Variants in ITPK1 observed in about 807,000 individuals in gnomAD.
ITPK1 encodes inositol-tetrakisphosphate 1-kinase, also known as inositol 1,3,4-trisphosphate 5/6-kinase.
In ITPK1, 21 loss-of-function variants were observed where a neutral mutation model predicts 45.3. That is an observed-to-expected ratio of 0.46 (90% confidence interval 0.33 to 0.67). ITPK1 has a LOEUF of 0.67. Among genes scored for constraint, ITPK1 ranks in the 30% least tolerant of loss-of-function variants. ITPK1 has a pLI of 0.02. For synonymous variants in ITPK1, 258 were observed against 253.6 expected (o/e 1.02, Z -0.16); for missense variants, 474 against 573.5 (o/e 0.83, Z 1.77).
At chr14:93,114,615 G>C (rs1010305132) in intron 2 of ITPK1, among the ~76,000 whole-genome samples, 1 of 152,210 alleles carries the variant, frequency 6.6e-6, no homozygotes, top group African/African-American at 2.4e-5. Flanking sequence ...CTCAAGAGCC[G>C]AGCACACGCG....
intron 2 of ITPK1, among the ~76,000 whole-genome samples, chr14:93,104,701 G>A (rs963042690): frequency 6.6e-6 from 1 of 152,138 alleles, no homozygotes; most frequent in African/African-American, 2.4e-5. Flanking sequence ...TATCCCATCT[G>A]CAATAGTGCC....
At chr14:92,993,227 C>A (rs780572081) in intron 5 of ITPK1, among the ~76,000 whole-genome samples, 6 of 152,258 alleles carry the variant, frequency 3.9e-5, no homozygotes, top group Non-Finnish European at 8.8e-5. Flanking sequence ...CTCAGCAGGG[C>A]ACACTTGGAC....
At chr14:92,952,037 C>T (rs766244794) in intron 8 of ITPK1, 24 bp from the exon 9 acceptor site, 30 of 1,553,304 alleles carry the variant, frequency 1.9e-5, no homozygotes, top group Middle Eastern at 1.7e-4. Flanking sequence ...AGGAAGGAGC[C>T]GGCGTTAGAA....
At chr14:93,000,719 G>A (rs1162387925) in intron 4 of ITPK1, among the ~76,000 whole-genome samples, 1 of 152,204 alleles carries the variant, frequency 6.6e-6, no homozygotes, top group Non-Finnish European at 1.5e-5. Context: ...GCTTGCGCCT[G>A]TAATCCCAGC....
intron 5 of ITPK1, 56 bp from the exon 6 acceptor site, chr14:92,962,905 A>G: frequency 2.4e-6 from 3 of 1,243,162 alleles, no homozygotes; most frequent in Non-Finnish European, 3.5e-6. Context: ...CCCCAGGTGC[A>G]CGTCCTGTGA....
chr14:93,005,058 G>C (rs1475196711), intron 4 of ITPK1, among the ~76,000 whole-genome samples: 2 of 152,092 alleles, frequency 1.3e-5, no homozygotes, highest in Non-Finnish European at 2.9e-5. Flanking sequence ...AAAGCAACAG[G>C]GTCCTGAGCT....
intron 4 of ITPK1, among the ~76,000 whole-genome samples, chr14:93,000,519 C>A (rs1887282224): frequency 6.6e-6 from 1 of 152,208 alleles, no homozygotes; most frequent in Admixed American, 6.5e-5. Flanking sequence ...AGGTCAAACA[C>A]AACCAGCTGG....
At chr14:92,984,575 A>T (rs1886405790) in intron 5 of ITPK1, among the ~76,000 whole-genome samples, 1 of 152,204 alleles carries the variant, frequency 6.6e-6, no homozygotes, top group African/African-American at 2.4e-5. Flanking sequence ...AAAGATTCAT[A>T]TTAACACATT....
chr14:93,016,628 C>A lies in ITPK1; in HGVS notation c.246+48G>T. ...ACACGGCCATTCCAGGGCCTCCCCT[C>A]CTCCTCCTGAAAATGCCACAGCCAA... On this transcript the variant is annotated intron_variant, in intron 4 of 10. Transcript: ENST00000267615. The surrounding 1 kb of genome is among the most constrained non-coding windows in gnomAD (Gnocchi z 5.0). 6.2e-7 allele frequency: 1 copy of A among 1,602,276 alleles called. No individual in the cohort carries two copies. Among genetic ancestry groups the A allele is most frequent in the Admixed American group, 1.7e-5 (1 of 59,760 alleles).
intron 2 of ITPK1, among the ~76,000 whole-genome samples, chr14:93,079,051 T>G (rs1891339118): frequency 6.6e-6 from 1 of 152,218 alleles, no homozygotes; most frequent in Non-Finnish European, 1.5e-5. Context: ...TCCCAGCGTG[T>G]GACTCTCCTC....
intron 2 of ITPK1, among the ~76,000 whole-genome samples, chr14:93,090,992 G>C (rs2140006030): frequency 6.6e-6 from 1 of 152,218 alleles, no homozygotes; most frequent in East Asian, 1.9e-4. Context: ...AATCACCATG[G>C]AAAGGTTTCC....
chr14:93,021,550 G>A (rs1474656393), intron 3 of ITPK1, among the ~76,000 whole-genome samples: 1 of 150,660 alleles, frequency 6.6e-6, no homozygotes, highest in African/African-American at 2.5e-5. Flanking sequence ...CCGAGATGAT[G>A]CCACTGCACT....
At chr14:93,077,832 G>A (rs1395097589) in intron 2 of ITPK1, among the ~76,000 whole-genome samples, 1 of 152,164 alleles carries the variant, frequency 6.6e-6, no homozygotes, top group Non-Finnish European at 1.5e-5. Flanking sequence ...ATTGCTACGA[G>A]CCAGGGACAA....
rs926750644 is a variant in ITPK1, at chr14:93,034,339, G to T, written c.121-17538C>A. 6.6e-6 allele frequency among the ~76,000 whole-genome samples: 1 copy of T among 151,812 alleles called. No individual in the cohort carries two copies. The highest frequency in any genetic ancestry group is 2.4e-5 in the African/African-American group (1 of 41,320). On this transcript the variant is annotated intron_variant, in intron 3 of 10. Transcript: ENST00000267615. This position sits in a 1 kb window ranked among gnomAD's most constrained non-coding sequence, Gnocchi z 4.1. ...ACCCTGACCAGAGGCAAAGTGACTG[G>T]GCTCACAAAATGCAAAAAGGCTCCT... is the stretch of plus-strand genomic sequence containing the variant.
chr14:92,957,186 C>A (rs1884783861), intron 8 of ITPK1, among the ~76,000 whole-genome samples: 3 of 152,262 alleles, frequency 2.0e-5, no homozygotes, highest in Admixed American at 2.0e-4. Context: ...GAGGACACAT[C>A]TGTTTGCTCA....
intron 3 of ITPK1, among the ~76,000 whole-genome samples, chr14:93,047,579 G>A (rs1012895150): frequency 9.8e-5 from 15 of 152,342 alleles, no homozygotes; most frequent in South Asian, 6.2e-4. Context: ...AAGCCAAGGC[G>A]TGCCTGGGAC....
At chr14:92,982,773 T>C (rs1886297425) in intron 5 of ITPK1, among the ~76,000 whole-genome samples, 1 of 152,166 alleles carries the variant, frequency 6.6e-6, no homozygotes, top group Non-Finnish European at 1.5e-5. Flanking sequence ...GGAAACGCAA[T>C]TGTGATATTT....
chr14:93,031,384 C>T (rs528366234), intron 3 of ITPK1, among the ~76,000 whole-genome samples: 2 of 152,308 alleles, frequency 1.3e-5, no homozygotes, highest in East Asian at 1.9e-4. Context: ...TTGGAGAGAC[C>T]GCTGTGGAAG....
chr14:93,106,015 C>A (rs1420152089), intron 2 of ITPK1, among the ~76,000 whole-genome samples: 1 of 152,166 alleles, frequency 6.6e-6, no homozygotes, highest in African/African-American at 2.4e-5. Flanking sequence ...CCTGGTGTCT[C>A]TTTTGTTGGG....
Sources: gnomAD v4.1 joint callset for allele counts (sites outside exome capture counted in the v4.1 genomes callset) on GRCh38, gnomAD v4.1.1 for gene constraint, Gnocchi (gnomAD v3.1) non-coding constraint, MANE v1.5 for transcripts, NCBI Gene and HGNC (gene_info 2026-07-23, HGNC 2026-07-21) for gene names.